Variants in RNF135 observed in about 807,000 individuals in gnomAD.
RNF135 encodes ring finger protein 135, also known as E3 ubiquitin-protein ligase RNF135.
Under a neutral mutation model 41.9 loss-of-function variants are expected in RNF135, and 46 were observed. The ratio of observed to expected loss-of-function variants is 1.10; its 90% CI spans 0.87 to 1.40. The LOEUF is 1.40. RNF135 is among the 40% of genes most tolerant of loss of function. The pLI is 0.00. For missense variants in RNF135, 539 were observed against 549.8 expected (o/e 0.98, Z 0.20); for synonymous variants, 238 against 223.8 (o/e 1.06, Z -0.57).
chr17:30,969,237 A>G (rs1290177426), upstream of RNF135: 4 of 152,186 alleles, frequency 2.6e-5, no homozygotes, highest in African/African-American at 9.7e-5. Context: ...AGATCTGAGC[A>G]TGTTTAAGTG....
rs1196015143 is a variant in RNF135 at position 30,979,532 on chromosome 17, A to AC, written c.373-5073dup. Among the ~76,000 whole-genome samples the AC allele has an allele frequency of 1.6e-3, 4 of 2,526 alleles. 1 individual carries two copies. Among genetic ancestry groups the AC allele is most frequent in the South Asian group, 0.026 (1 of 38 alleles). The allele number at this position is 2,526 out of a possible 152,430, so 1.7% of individuals were successfully genotyped here. A position where few individuals can be genotyped will look rare whatever the true frequency, so the allele number is the denominator to read the frequency against. On this transcript the variant is annotated intron_variant, in intron 1 of 4. Transcript: ENST00000328381. The stretch of plus-strand genomic sequence containing the variant: ...CCCTCCCGGACGGGGCAGCTGGCCG[A>AC]CCCCCCCCCCCCGCCTCCCTCCCGG...
intron 1 of RNF135, among the ~76,000 whole-genome samples, chr17:30,979,704 C>T (rs1598085224): frequency 1.7e-5 from 2 of 114,290 alleles, no homozygotes; most frequent in African/African-American, 3.5e-5. Context: ...GCTGGCCGGG[C>T]GGGGGGCTGA....
At chr17:30,964,389 C>CA in the RNF135 span, among the ~76,000 whole-genome samples, 8,499 of 36,364 alleles carry the variant, frequency 0.23, 2,447 homozygotes, top group African/African-American at 0.59. Flanking sequence ...GACTTCATCT[C>CA]AAAAAAAAAA....
intron 4 of RNF135, 41 bp from the exon 5 acceptor site, chr17:30,998,620 AT>A: frequency 6.3e-7 from 1 of 1,599,658 alleles, no homozygotes; most frequent in South Asian, 1.1e-5. Context: ...CCATCAAAAG[AT>A]GACCGGCCAT....
At chr17:30,971,747 G>T in intron 1 of RNF135, 1 of 1,274,110 alleles carries the variant, frequency 7.8e-7, no homozygotes, top group Non-Finnish European at 9.9e-7. Flanking sequence ...TAAAATTGTG[G>T]TAAGATCTAT....
intron 1 of RNF135, among the ~76,000 whole-genome samples, chr17:30,977,818 C>A (rs1191027743): frequency 6.6e-6 from 1 of 152,206 alleles, no homozygotes; most frequent in Non-Finnish European, 1.5e-5. Flanking sequence ...ATCCACCCGC[C>A]GTGGCCTCCC....
At chr17:30,963,593 G>A in the RNF135 span, among the ~76,000 whole-genome samples, 2 of 151,608 alleles carry the variant, frequency 1.3e-5, no homozygotes, top group Non-Finnish European at 2.9e-5. Context: ...AAAATTGGGT[G>A]GTTTGCTTTT....
At chr17:30,960,044 G>A in the RNF135 span, among the ~76,000 whole-genome samples, 1 of 150,986 alleles carries the variant, frequency 6.6e-6, no homozygotes, top group South Asian at 2.1e-4. Flanking sequence ...ACTTGTATTA[G>A]CGTTCTCCAG....
chr17:30,972,655 G>C (rs1169404077), intron 1 of RNF135: 1 of 152,172 alleles, frequency 6.6e-6, no homozygotes, highest in African/African-American at 2.4e-5. Context: ...TTGTCCCTTT[G>C]TGCCTGGTTT....
chr17:30,999,319 G>C lies in RNF135; in HGVS notation c.*128G>C. 1 of 1,071,312 alleles carries C rather than the reference G, an allele frequency of 9.3e-7. No individual in the cohort carries two copies. The highest frequency in any genetic ancestry group is 2.9e-4 in the Middle Eastern group (1 of 3,432). 66.4% of individuals were successfully genotyped at this position (1,071,312 alleles called of 1,614,324 possible). The stretch of plus-strand genomic sequence containing the variant: ...GATAGAGATGGGATCTCACTAGGTT[G>C]CCCAGGCTGGTGTCGAATTCCTGGT... On this transcript the variant is annotated 3_prime_UTR_variant, in exon 5 of 5. Transcript: ENST00000328381.
chr17:30,999,661 T>G lies in RNF135; in HGVS notation c.*470T>G, dbSNP rs1908610083. On this transcript the variant is annotated 3_prime_UTR_variant, in exon 5 of 5. Transcript: ENST00000328381. ...AGTTAGCCATGTGGGCAGTGAAGCA[T>G]GCCAATGTGATCAATCCCTAGTAAA... is the stretch of plus-strand genomic sequence containing the variant. 1 of 182,536 alleles carries G rather than the reference T, an allele frequency of 5.5e-6. No homozygotes were observed. Among genetic ancestry groups the G allele is most frequent in the Non-Finnish European group, 1.2e-5 (1 of 84,362 alleles). 11.3% of individuals were successfully genotyped at this position (182,536 alleles called of 1,614,324 possible).
At chr17:30,974,791 T>C (rs1906294890) in intron 1 of RNF135, among the ~76,000 whole-genome samples, 1 of 152,018 alleles carries the variant, frequency 6.6e-6, no homozygotes, top group African/African-American at 2.4e-5. Context: ...GTGATTCTCC[T>C]ACCTCAGCCT....
At position 30,988,152 on chromosome 17, in the gene RNF135, G is replaced by C. The variant is rs374510388; in HGVS notation, c.679+46G>C. The C allele has an allele frequency of 2.6e-5, 42 of 1,585,274 alleles. No homozygotes were observed. In the African/African-American group the frequency reaches 4.9e-4, roughly 18 times the overall value. ...GGAGGAGGATTAAATATGGAAGTTG[G>C]GGGGAGTAGCAGAGTGCTCTATGGC... On this transcript the variant is annotated intron_variant, in intron 3 of 4. Coordinates refer to ENST00000328381, the MANE Select transcript of RNF135 (RefSeq NM_032322.4).
intron 1 of RNF135, among the ~76,000 whole-genome samples, chr17:30,983,353 A>ATATATATATATTTTTTTTTT (rs1420453160): frequency 5.6e-5 from 2 of 35,744 alleles, no homozygotes; most frequent in Non-Finnish European, 1.1e-4. Flanking sequence ...ATATATATAT[A>ATATATATATATTTTTTTTTT]TTTTTTTTTT....
In RNF135 at chr17:30,971,230, G is replaced by A. The variant is rs968780959; in HGVS notation, c.157G>A (p.Asp53Asn). 5 of 1,513,052 alleles carry A rather than the reference G, an allele frequency of 3.3e-6. No individual in the cohort carries two copies. The highest frequency in any genetic ancestry group is 4.4e-6 in the Non-Finnish European group (5 of 1,137,394). 93.7% of individuals were successfully genotyped at this position (1,513,052 alleles called of 1,614,324 possible). The change falls in exon 1 of 5, where the codon GAC (aspartate) becomes AAC (asparagine). Residue 53 changes from aspartate to asparagine, a missense_variant. By Grantham distance (23) the Asp-to-Asn change is conservative. This residue lies in a region of RNF135 where 277 missense variants were observed against 212.8 expected (regional missense o/e 1.30). Transcript: ENST00000328381. The part of the protein sequence containing the change: ...HCLEALWGAR[D>N]ARRWACPTCR... ...CCTGGAGGCCCTGTGGGGCGCCCGC[G>A]ACGCCCGCCGCTGGGCCTGCCCCAC...
At chr17:30,988,169 C>A in intron 3 of RNF135, 63 bp downstream of exon 3, 1 of 1,494,006 alleles carries the variant, frequency 6.7e-7, no homozygotes, top group Non-Finnish European at 9.3e-7. Flanking sequence ...TAGCAGAGTG[C>A]TCTATGGCTT....
At chr17:30,968,404 G>A (rs1203893718), upstream of RNF135, among the ~76,000 whole-genome samples, 2 of 104,376 alleles carry the variant, frequency 1.9e-5, no homozygotes, top group East Asian at 5.6e-4. Flanking sequence ...TTTTTCTTTT[G>A]AGACAGAGTC....
At chr17:30,968,459 C>T (rs1416925917), upstream of RNF135, among the ~76,000 whole-genome samples, 1 of 150,086 alleles carries the variant, frequency 6.7e-6, no homozygotes, top group African/African-American at 2.5e-5. Context: ...GAACTCAGCT[C>T]ACTGCAAGCT....
intron 4 of RNF135, 188 bp downstream of exon 4, chr17:30,997,519 A>G (rs549646097): frequency 4.7e-5 from 31 of 664,078 alleles, no homozygotes; most frequent in Non-Finnish European, 2.8e-5. Flanking sequence ...ACCCAAGAGC[A>G]CTCAGAGTCC....
Sources: gnomAD v4.1 joint callset for allele counts (sites outside exome capture counted in the v4.1 genomes callset) on GRCh38, gnomAD v4.1.1 for gene constraint, gnomAD v4.1.1 regional missense constraint, MANE v1.5 for transcripts, NCBI Gene and HGNC (gene_info 2026-07-23, HGNC 2026-07-21) for gene names.